Variants in GDPD5 observed in about 807,000 individuals in gnomAD.
GDPD5 encodes the protein glycerophosphodiester phosphodiesterase 2.
In GDPD5, 48 loss-of-function variants were observed where a neutral mutation model predicts 75.1. The ratio of observed to expected loss-of-function variants is 0.64; its 90% CI spans 0.51 to 0.81. The LOEUF (loss-of-function observed/expected upper bound fraction) is 0.81. GDPD5 is among the 40% of genes least tolerant of loss of function. The pLI is 0.00. For synonymous variants in GDPD5, 336 were observed against 339.0 expected (o/e 0.99, Z 0.10); for missense variants, 706 against 822.6 (o/e 0.86, Z 1.73).
intron 3 of GDPD5, among the ~76,000 whole-genome samples, chr11:75,476,512 T>C (rs1390823454): frequency 1.3e-5 from 2 of 151,862 alleles, no homozygotes; most frequent in Non-Finnish European, 2.9e-5. Flanking sequence ...CTGTGACATA[T>C]GGTATCTCAG....
At chr11:75,462,672 G>A (rs1180852186) in intron 4 of GDPD5, 114 bp downstream of exon 4, 8 of 741,808 alleles carry the variant, frequency 1.1e-5, no homozygotes, top group Non-Finnish European at 1.9e-5. Context: ...GAGAGCTGGT[G>A]GCAGAGCTCA....
At chr11:75,474,321 T>G (rs1949735287) in intron 3 of GDPD5, among the ~76,000 whole-genome samples, 2 of 152,270 alleles carry the variant, frequency 1.3e-5, no homozygotes, top group African/African-American at 4.8e-5. Context: ...GTTTTGACAC[T>G]GCCTTTTGCA....
intron 1 of GDPD5, among the ~76,000 whole-genome samples, chr11:75,522,261 AG>A (rs1308603345): frequency 2.0e-5 from 3 of 152,178 alleles, no homozygotes; most frequent in Admixed American, 6.5e-5. Flanking sequence ...CATTTCACAA[AG>A]GGGGAAATGG....
chr11:75,453,488 G>A (rs559093062), intron 6 of GDPD5, among the ~76,000 whole-genome samples: 15 of 152,080 alleles, frequency 9.9e-5, no homozygotes, highest in African/African-American at 1.4e-4. Flanking sequence ...GCTGGTGGCC[G>A]GTGCCTGTAG....
intron 10 of GDPD5, 44 bp downstream of exon 10, chr11:75,444,369 G>T (rs746317429): frequency 7.0e-7 from 1 of 1,424,142 alleles, no homozygotes; most frequent in Non-Finnish European, 9.9e-7. Flanking sequence ...ATGCCGAAGC[G>T]TGTGGGAGGG....
chr11:75,518,057 A>G (rs1026546606), intron 1 of GDPD5, among the ~76,000 whole-genome samples: 10 of 152,198 alleles, frequency 6.6e-5, no homozygotes, highest in African/African-American at 2.4e-4. Context: ...ATCCCACCCT[A>G]ACCAGCGCCA....
At chr11:75,480,100 C>G (rs1949874481) in intron 2 of GDPD5, among the ~76,000 whole-genome samples, 3 of 152,030 alleles carry the variant, frequency 2.0e-5, no homozygotes, top group Admixed American at 2.0e-4. Context: ...TTTGGGAAGC[C>G]AAGGCAGGTG....
chr11:75,512,168 C>T (rs903324624), intron 1 of GDPD5, among the ~76,000 whole-genome samples: 2 of 152,108 alleles, frequency 1.3e-5, no homozygotes, highest in Non-Finnish European at 2.9e-5. Flanking sequence ...GTGACACAGG[C>T]TCACCAATGG....
intron 1 of GDPD5, among the ~76,000 whole-genome samples, chr11:75,507,509 G>A (rs928668566): frequency 6.6e-6 from 1 of 152,248 alleles, no homozygotes; most frequent in Non-Finnish European, 1.5e-5. Flanking sequence ...CTGCCTCCAA[G>A]CCCCACTGGG....
intron 1 of GDPD5, among the ~76,000 whole-genome samples, chr11:75,491,373 A>G (rs1170417070): frequency 1.3e-5 from 2 of 152,238 alleles, no homozygotes; most frequent in Non-Finnish European, 2.9e-5. Flanking sequence ...GAGGAAATAT[A>G]AATAGACCAG....
chr11:75,448,586 C>T (rs1028852819), intron 9 of GDPD5: 9 of 1,006,908 alleles, frequency 8.9e-6, no homozygotes, highest in African/African-American at 6.9e-5. Flanking sequence ...TCGGTTCAGC[C>T]GTACTCACTG....
chr11:75,442,635 C>A, intron 11 of GDPD5, 54 bp from the exon 12 acceptor site: 2 of 1,538,810 alleles, frequency 1.3e-6, no homozygotes, highest in Non-Finnish European at 1.8e-6. Context: ...TTGGGGGCCC[C>A]CACATACCCT....
chr11:75,520,770 C>T (rs907103124), intron 1 of GDPD5, among the ~76,000 whole-genome samples: 2 of 152,226 alleles, frequency 1.3e-5, no homozygotes, highest in Non-Finnish European at 1.5e-5. Flanking sequence ...GCCACCACCC[C>T]AAAGGGGGCA....
At position 75,477,749 on chromosome 11, in the gene GDPD5, G is replaced by T. The variant is rs1293358172; in HGVS notation, c.-14C>A. The T allele has an allele frequency of 1.3e-6, 2 of 1,532,420 alleles. No individual in the cohort carries two copies. The highest frequency in any genetic ancestry group is 1.9e-5 in the Admixed American group (1 of 52,958). The allele number at this position is 1,532,420 out of a possible 1,614,324, so 94.9% of individuals were successfully genotyped here. On this transcript the variant is annotated 5_prime_UTR_variant, in exon 3 of 17. Coordinates refer to ENST00000336898, the MANE Select transcript of GDPD5 (RefSeq NM_030792.8). Reference sequence around the variant, plus strand: ...GTGTCTCACCATACTCGTGCCCACGGCCCTGGCGCCTGGCCCTCAGGCGCC... The same window carrying T: ...GTGTCTCACCATACTCGTGCCCACGTCCCTGGCGCCTGGCCCTCAGGCGCC...
rs983737566 is a variant in GDPD5, at chr11:75,435,648, G to A, written c.1677C>T (p.Ser559=). The A allele has an allele frequency of 3.1e-6, 5 of 1,606,302 alleles. No homozygotes were observed. Among genetic ancestry groups the A allele is most frequent in the Non-Finnish European group, 4.3e-6 (5 of 1,175,628 alleles). ...MKEKLIFSEI[S]DGVEVSDVLS... The stretch of plus-strand genomic sequence containing the variant: ...GCACATCGGAGACCTCTACACCATC[G>A]CTGATCTCTGCTGGGCCAGAGGGAG... Residue 559 remains serine, a synonymous_variant, in exon 17 of 17, where the codon AGC becomes AGT. Coordinates refer to ENST00000336898, the MANE Select transcript of GDPD5 (RefSeq NM_030792.8).
intron 15 of GDPD5, chr11:75,438,882 G>C (rs200797715): frequency 5.7e-6 from 1 of 174,188 alleles, no homozygotes; most frequent in East Asian, 1.7e-4. Flanking sequence ...GGCAGAGAAA[G>C]GTAAACAGGA....
chr11:75,459,861 G>T (rs1210323632), intron 4 of GDPD5, among the ~76,000 whole-genome samples: 1 of 151,974 alleles, frequency 6.6e-6, no homozygotes, highest in African/African-American at 2.4e-5. Flanking sequence ...TACAAAGGGG[G>T]AAACTGAGGC....
At chr11:75,507,893 C>T (rs1352173792) in intron 1 of GDPD5, among the ~76,000 whole-genome samples, 1 of 152,220 alleles carries the variant, frequency 6.6e-6, no homozygotes, top group Non-Finnish European at 1.5e-5. Context: ...GCCTCAGCTG[C>T]CTGAGCCCTT....
At chr11:75,517,464 A>C (rs2135505057) in intron 1 of GDPD5, 1 of 152,064 alleles carries the variant, frequency 6.6e-6, no homozygotes. Context: ...CAAAAAAAAA[A>C]ACCAAAACCA....
Sources: gnomAD v4.1 joint callset for allele counts (sites outside exome capture counted in the v4.1 genomes callset) on GRCh38, gnomAD v4.1.1 for gene constraint, MANE v1.5 for transcripts, NCBI Gene and HGNC (gene_info 2026-07-23, HGNC 2026-07-21) for gene names.